KCNK10: variants seen among roughly 807,000 people sequenced by gnomAD.
KCNK10 encodes potassium channel subfamily K member 10.
Under a neutral mutation model 47.7 loss-of-function variants are expected in KCNK10, and 25 were observed. That is an observed-to-expected ratio of 0.52 (90% CI 0.38 to 0.73). The LOEUF (loss-of-function observed/expected upper bound fraction) is 0.73. Among genes scored for constraint, KCNK10 ranks in the 30% least tolerant of loss-of-function variants. The probability of loss-of-function intolerance (pLI) is 0.00; values close to 1 mark genes in which losing one functional copy is unlikely to be tolerated. For missense variants in KCNK10, 563 were observed against 714.5 expected (o/e 0.79, Z 2.42); for synonymous variants, 303 against 285.6 (o/e 1.06, Z -0.61).
intron 4 of KCNK10, among the ~76,000 whole-genome samples, chr14:88,197,704 C>T (rs1233547812): frequency 2.8e-5 from 4 of 145,122 alleles, no homozygotes; most frequent in South Asian, 2.3e-4. Context: ...GAAGATAATA[C>T]GCTATTGGAA....
In KCNK10 at chr14:88,188,090, A is replaced by T; in HGVS notation, c.888T>A (p.Asn296Lys). 3 of 1,614,196 alleles carry T rather than the reference A, an allele frequency of 1.9e-6. No individual in the cohort carries two copies. In the South Asian group the frequency reaches 3.3e-5, roughly 18 times the overall value. The part of the protein sequence containing the change: ...DFVAGGNAGI[N>K]YREWYKPLVW... Reference sequence around the variant, plus strand: ...CTAGGGGCTTATACCACTCCCGATAATTGATGCCAGCGTTTCCCCCTGAAA... The same window carrying T: ...CTAGGGGCTTATACCACTCCCGATATTTGATGCCAGCGTTTCCCCCTGAAA... The change falls in exon 6 of 7, where the codon AAT becomes AAA. Residue 296 changes from asparagine (N) to lysine (K), a missense_variant. Coordinates refer to ENST00000319231, the MANE Select transcript of KCNK10 (RefSeq NM_138317.3).
intron 2 of KCNK10, among the ~76,000 whole-genome samples, chr14:88,243,779 A>T (rs1474119657): frequency 6.6e-6 from 1 of 151,830 alleles, no homozygotes; most frequent in Non-Finnish European, 1.5e-5. Flanking sequence ...AAATAAAGCG[A>T]CAAAAAGGGG....
chr14:88,191,724 C>A (rs1237926100), intron 5 of KCNK10, among the ~76,000 whole-genome samples: 1 of 152,198 alleles, frequency 6.6e-6, no homozygotes, highest in Admixed American at 6.5e-5. Flanking sequence ...GTTCTCAGCT[C>A]CCCATAGTCA....
At chr14:88,198,284 T>C (rs897653922) in intron 4 of KCNK10, among the ~76,000 whole-genome samples, 6 of 152,130 alleles carry the variant, frequency 3.9e-5, no homozygotes, top group Non-Finnish European at 7.3e-5. Flanking sequence ...GGTTGAAGCA[T>C]GAAAGAAAGC....
intron 4 of KCNK10, among the ~76,000 whole-genome samples, chr14:88,218,788 GA>G (rs1885705477): frequency 6.6e-6 from 1 of 152,102 alleles, no homozygotes; most frequent in Non-Finnish European, 1.5e-5. Context: ...CACAGCAGGG[GA>G]GAAAGAGGCC....
chr14:88,309,239 T>C (rs1331902875), intron 1 of KCNK10, among the ~76,000 whole-genome samples: 1 of 152,238 alleles, frequency 6.6e-6, no homozygotes, highest in Non-Finnish European at 1.5e-5. Flanking sequence ...AGAACCGATA[T>C]GCTCCAGACT....
chr14:88,318,596 A>G (rs1888476126), intron 1 of KCNK10, among the ~76,000 whole-genome samples: 1 of 152,220 alleles, frequency 6.6e-6, no homozygotes, highest in Non-Finnish European at 1.5e-5. Flanking sequence ...CAACTACGTG[A>G]AATGCATTAT....
Position 88,323,114 on chromosome 14 carries a change from T to C in KCNK10, c.-316A>G. The C allele has an allele frequency of 1.0e-5, 12 of 1,191,760 alleles. No individual in the cohort carries two copies. The highest frequency in any genetic ancestry group is 1.3e-5 in the Non-Finnish European group (12 of 952,086). 73.8% of individuals were successfully genotyped at this position (1,191,760 alleles called of 1,614,324 possible). Reference sequence around the variant, plus strand: ...GCTTGGGGAGATGGAAGAGCCAAGCTGCTTCCCAAAAGCGGTGCCGGCAGG... The same window carrying C: ...GCTTGGGGAGATGGAAGAGCCAAGCCGCTTCCCAAAAGCGGTGCCGGCAGG... On this transcript the variant is annotated 5_prime_UTR_variant, in exon 1 of 7. Coordinates refer to ENST00000319231, the MANE Select transcript of KCNK10 (RefSeq NM_138317.3).
chr14:88,240,707 G>C lies in KCNK10; in HGVS notation c.516C>G (p.Thr172=), dbSNP rs1249783260. The part of the protein sequence containing the change: ...AFFFAGTVIT[T]IGYGNIAPST... ...TATTAGCAAACAAACGGGTACCTAT[G>C]GTCGTAATGACAGTTCCAGCAAAGA... The change falls in exon 3 of 7, where the codon ACC becomes ACG. Residue 172 remains threonine, a synonymous_variant. Coordinates refer to ENST00000319231, the MANE Select transcript of KCNK10 (RefSeq NM_138317.3). 2 of 1,599,580 alleles carry C rather than the reference G, an allele frequency of 1.3e-6. No homozygotes were observed. The highest frequency in any genetic ancestry group is 1.7e-6 in the Non-Finnish European group (2 of 1,166,798).
chr14:88,196,952 C>A (rs1337087212), intron 4 of KCNK10, among the ~76,000 whole-genome samples: 1 of 152,166 alleles, frequency 6.6e-6, no homozygotes, highest in Non-Finnish European at 1.5e-5. Flanking sequence ...ATGAGTAGAG[C>A]TTTTAAACAC....
intron 1 of KCNK10, among the ~76,000 whole-genome samples, chr14:88,273,574 G>GC: frequency 6.6e-6 from 1 of 152,276 alleles, no homozygotes; most frequent in East Asian, 1.9e-4. Flanking sequence ...GCTATTCCTT[G>GC]TGTGTGCTGA....
rs1884412133 is a variant in KCNK10, at chr14:88,182,715, C to T, written c.*2820G>A. On this transcript the variant is annotated 3_prime_UTR_variant, in exon 7 of 7. Coordinates refer to ENST00000319231, the MANE Select transcript of KCNK10 (RefSeq NM_138317.3). ...TGATCCCTCTGTGTGACTGATTTGA[C>T]TCATTTGGGGAAGCATCTATGCACA... The T allele has an allele frequency of 6.6e-6, 1 of 152,346 alleles. No individual in the cohort carries two copies. The highest frequency in any genetic ancestry group is 2.4e-5 in the African/African-American group (1 of 41,456). The allele number at this position is 152,346 out of a possible 1,614,324, so 9.4% of individuals were successfully genotyped here. A position where few individuals can be genotyped will look rare whatever the true frequency, so the allele number is the denominator to read the frequency against.
chr14:88,196,505 A>G (rs1004310533), intron 4 of KCNK10, among the ~76,000 whole-genome samples: 5 of 152,140 alleles, frequency 3.3e-5, no homozygotes, highest in African/African-American at 1.2e-4. Context: ...CTATTTTTTC[A>G]TTTAATTTTT....
intron 1 of KCNK10, among the ~76,000 whole-genome samples, chr14:88,312,019 C>T (rs1888338664): frequency 6.6e-6 from 1 of 152,242 alleles, no homozygotes; most frequent in Admixed American, 6.5e-5. Flanking sequence ...CATCTCCATT[C>T]AACACACTCT....
At chr14:88,253,968 TAAAG>T (rs1205368344) in intron 2 of KCNK10, among the ~76,000 whole-genome samples, 2 of 151,842 alleles carry the variant, frequency 1.3e-5, no homozygotes, top group East Asian at 1.9e-4. Flanking sequence ...TTCACCAACA[TAAAG>T]AGTCACTGGA....
chr14:88,317,264 T>C (rs904332725), intron 1 of KCNK10, among the ~76,000 whole-genome samples: 2 of 152,212 alleles, frequency 1.3e-5, no homozygotes, highest in Admixed American at 6.5e-5. Context: ...GCTCCGCAAA[T>C]GTGTGTTTGG....
intron 2 of KCNK10, among the ~76,000 whole-genome samples, chr14:88,259,513 G>A (rs1887050638): frequency 6.6e-6 from 1 of 152,196 alleles, no homozygotes; most frequent in African/African-American, 2.4e-5. Flanking sequence ...CTGGAGTACT[G>A]TGGCACAATC....
intron 1 of KCNK10, among the ~76,000 whole-genome samples, chr14:88,289,958 A>G (rs1409738080): frequency 2.6e-5 from 4 of 152,206 alleles, no homozygotes; most frequent in Non-Finnish European, 2.9e-5. Context: ...TTCACCTTGT[A>G]TGCCCAGCAC....
intron 3 of KCNK10, 60 bp from the exon 4 acceptor site, chr14:88,227,595 A>C: frequency 6.8e-7 from 1 of 1,479,500 alleles, no homozygotes; most frequent in South Asian, 1.4e-5. Flanking sequence ...TGACCAAAGA[A>C]CTCACAGACT....
Sources: allele counts gnomAD v4.1 joint callset (sites outside exome capture counted in the v4.1 genomes callset), GRCh38; gene constraint gnomAD v4.1.1; transcripts MANE v1.5; gene names NCBI Gene and HGNC (gene_info 2026-07-23, HGNC 2026-07-21).